CREB5: variants seen among roughly 807,000 people sequenced by gnomAD.
The protein encoded by CREB5 is cAMP responsive element binding protein 5.
CREB5 carries 19 observed loss-of-function variants against 57.1 expected under a neutral mutation model. The ratio of observed to expected loss-of-function variants is 0.33; its 90% confidence interval spans 0.23 to 0.49. The LOEUF (loss-of-function observed/expected upper bound fraction) is 0.49, where lower values mean the gene tolerates loss of function less well. Ranked by LOEUF, CREB5 falls within the 20% of genes least tolerant of loss-of-function variation. CREB5 has a pLI of 0.99. For missense variants in CREB5, 579 were observed against 671.6 expected, an observed-to-expected ratio of 0.86 and a Z score of 1.52; for synonymous variants, 238 against 238.3, an observed-to-expected ratio of 1.00 and a Z score of 0.01.
chr7:28,552,017 C>G lies in CREB5; in HGVS notation c.292-18348C>G, dbSNP rs12673864. ...TCTTTTCTCTCTCTCTCTCTTTTCT[C>G]TCTCTCTTTCTCTCTTTTCTCTCTC... On this transcript the variant is annotated intron_variant, in intron 4 of 10. Coordinates refer to ENST00000357727, the MANE Select transcript of CREB5 (RefSeq NM_182898.4). Among the ~76,000 whole-genome samples, 8 of 135,662 alleles carry G rather than the reference C, an allele frequency of 5.9e-5. No homozygotes were observed. The East Asian group carries it at 1.7e-3, about 29-fold the overall frequency. The allele number at this position is 135,662 out of a possible 152,430, so 89.0% of individuals were successfully genotyped here.
At chr7:28,600,987 C>CT (rs1796894676) in intron 5 of CREB5, among the ~76,000 whole-genome samples, 1 of 151,820 alleles carries the variant, frequency 6.6e-6, no homozygotes, top group Admixed American at 6.6e-5. Context: ...ATGTATTTTT[C>CT]TTTTTTTTCT....
chr7:28,775,567 A>G (rs1008772972), intron 7 of CREB5, among the ~76,000 whole-genome samples: 1 of 84,144 alleles, frequency 1.2e-5, no homozygotes, highest in Admixed American at 1.3e-4. Context: ...TATATATATT[A>G]GCGTATTTTA....
intron 7 of CREB5, among the ~76,000 whole-genome samples, chr7:28,762,744 CT>C (rs1035329832): frequency 1.4e-5 from 2 of 145,442 alleles, no homozygotes; most frequent in Non-Finnish European, 3.0e-5. Flanking sequence ...TTTTCTTTTT[CT>C]TTTTTTTGAG....
chr7:28,715,151 A>G (rs1185679707), intron 5 of CREB5, among the ~76,000 whole-genome samples: 1 of 152,226 alleles, frequency 6.6e-6, no homozygotes, highest in African/African-American at 2.4e-5. Context: ...AAGTCCAGGG[A>G]GCACTGTGAA....
intron 1 of CREB5, among the ~76,000 whole-genome samples, chr7:28,375,506 G>A (rs1456171185): frequency 6.6e-5 from 10 of 152,134 alleles, no homozygotes; most frequent in Non-Finnish European, 1.3e-4. Context: ...AACTAAAAGA[G>A]TATCATTGGA....
At chr7:28,618,418 AT>A (rs967841910) in intron 5 of CREB5, among the ~76,000 whole-genome samples, 45 of 151,544 alleles carry the variant, frequency 3.0e-4, no homozygotes, top group African/African-American at 8.5e-4. Flanking sequence ...AGTTTCATCT[AT>A]TTTTTTTTAA....
At chr7:28,740,218 G>A (rs957312979) in intron 7 of CREB5, among the ~76,000 whole-genome samples, 3 of 152,100 alleles carry the variant, frequency 2.0e-5, no homozygotes, top group Non-Finnish European at 2.9e-5. Context: ...TAGGCAGATC[G>A]AATGAAATTG....
intron 4 of CREB5, among the ~76,000 whole-genome samples, chr7:28,534,332 G>A (rs187676733): frequency 1.3e-5 from 2 of 152,154 alleles, no homozygotes; most frequent in African/African-American, 2.4e-5. Flanking sequence ...AGATGCTCTG[G>A]CCTCTGTGTC....
Position 28,823,106 on chromosome 7 carries a change from T to C in CREB5, c.*3827T>C, listed in dbSNP as rs1317874461. On this transcript the variant is annotated 3_prime_UTR_variant, in exon 11 of 11. Coordinates refer to ENST00000357727, the MANE Select transcript of CREB5 (RefSeq NM_182898.4). Reference sequence around the variant, plus strand: ...AACTTTAGTGTGTAAGTTGAGTTTGTCATTAAAATCATAAACCAGCTGCGG... The same window carrying C: ...AACTTTAGTGTGTAAGTTGAGTTTGCCATTAAAATCATAAACCAGCTGCGG... 1 of 152,624 alleles carries C rather than the reference T, an allele frequency of 6.6e-6. No homozygotes were observed. Among genetic ancestry groups the C allele is most frequent in the African/African-American group, 2.4e-5 (1 of 41,462 alleles). 9.5% of individuals were successfully genotyped at this position (152,624 alleles called of 1,614,324 possible).
chr7:28,716,532 A>G (rs1346319408), intron 5 of CREB5, among the ~76,000 whole-genome samples: 3 of 152,184 alleles, frequency 2.0e-5, no homozygotes, highest in Admixed American at 6.5e-5. Flanking sequence ...ATGATTAGCT[A>G]TATGTTGGGG....
chr7:28,693,106 C>T (rs1033213390), intron 5 of CREB5, among the ~76,000 whole-genome samples: 1 of 152,222 alleles, frequency 6.6e-6, no homozygotes, highest in Non-Finnish European at 1.5e-5. Context: ...CTTTCTCTCT[C>T]TTCACATGGT....
intron 4 of CREB5, among the ~76,000 whole-genome samples, chr7:28,559,610 C>T (rs1468762302): frequency 2.0e-5 from 3 of 152,226 alleles, no homozygotes; most frequent in Admixed American, 6.5e-5. Flanking sequence ...CCACCACGCC[C>T]AGCCAATGTT....
rs73075804 is a variant in CREB5, at chr7:28,442,928, C to T, written c.3+30011C>T. Among the ~76,000 whole-genome samples, 1,492 of 152,306 alleles carry T rather than the reference C, an allele frequency of 9.8e-3. 15 individuals carry two copies. The highest frequency in any genetic ancestry group is 0.017 in the Non-Finnish European group (1,128 of 68,030). The stretch of plus-strand genomic sequence containing the variant: ...TTCAAATATACAGACATTCAAAGAT[C>T]ATTCCTTACGTAGGACAGTAATAGA... On this transcript the variant is annotated intron_variant, in intron 1 of 10. Transcript: ENST00000357727.
At chr7:28,718,675 T>C in intron 5 of CREB5, 78 bp from the exon 6 acceptor site, 5 of 1,571,374 alleles carry the variant, frequency 3.2e-6, no homozygotes, top group Non-Finnish European at 4.3e-6. Context: ...GACATTGTTG[T>C]CCCTGCTGTT....
intron 3 of CREB5, among the ~76,000 whole-genome samples, chr7:28,502,300 T>G (rs1015660587): frequency 6.6e-6 from 1 of 152,192 alleles, no homozygotes; most frequent in African/African-American, 2.4e-5. Flanking sequence ...TTTCTTAAAT[T>G]AGGGCTCTAT....
At chr7:28,338,387 A>G (rs1264155750) in intron 1 of CREB5, among the ~76,000 whole-genome samples, 1 of 152,182 alleles carries the variant, frequency 6.6e-6, no homozygotes, top group Non-Finnish European at 1.5e-5. Flanking sequence ...TTTTCAGCAG[A>G]CATACTATCC....
intron 1 of CREB5, among the ~76,000 whole-genome samples, chr7:28,398,541 T>A (rs1055453657): frequency 6.6e-6 from 1 of 152,230 alleles, no homozygotes; most frequent in African/African-American, 2.4e-5. Flanking sequence ...CAGCTTCCTA[T>A]ACTGCTATTT....
At chr7:28,594,438 GATAA>G (rs1052019553) in intron 5 of CREB5, among the ~76,000 whole-genome samples, 1 of 152,018 alleles carries the variant, frequency 6.6e-6, no homozygotes, top group Non-Finnish European at 1.5e-5. Flanking sequence ...TTAAGGCCTG[GATAA>G]ATATAGGCTG....
chr7:28,634,696 C>T (rs1177863825), intron 5 of CREB5, among the ~76,000 whole-genome samples: 1 of 152,100 alleles, frequency 6.6e-6, no homozygotes, highest in African/African-American at 2.4e-5. Context: ...TTTCCATGGG[C>T]TGCATTCATA....
Sources: allele counts gnomAD v4.1 joint callset (sites outside exome capture counted in the v4.1 genomes callset), GRCh38; gene constraint gnomAD v4.1.1; transcripts MANE v1.5; gene names NCBI Gene and HGNC (gene_info 2026-07-23, HGNC 2026-07-21).